Variants in HDAC4 observed in about 807,000 individuals in gnomAD.
The protein encoded by HDAC4 is histone deacetylase 4.
HDAC4 carries 16 observed loss-of-function variants against 135.1 expected under a neutral mutation model. The observed-to-expected ratio is 0.12, with a 90% CI of 0.08 to 0.18. HDAC4 has a LOEUF of 0.18. Ranked by LOEUF, HDAC4 falls within the 10% of genes least tolerant of loss-of-function variation. The pLI is 1.00. For missense variants in HDAC4, 1,143 were observed against 1,511.8 expected, an observed-to-expected ratio of 0.76 and a Z score of 4.05; for synonymous variants, 685 against 653.4, an observed-to-expected ratio of 1.05 and a Z score of -0.74.
At chr2:239,275,139 C>G (rs772777350) in intron 2 of HDAC4, among the ~76,000 whole-genome samples, 2 of 150,918 alleles carry the variant, frequency 1.3e-5, no homozygotes. Context: ...TGACGGGGAT[C>G]GGGGGAAGAA....
Position 239,299,670 on chromosome 2 carries a change from A to C in HDAC4, c.22+53008T>G, listed in dbSNP as rs538210187. Among the ~76,000 whole-genome samples the C allele has an allele frequency of 1.3e-5, 2 of 152,356 alleles. No homozygotes were observed. The highest frequency in any genetic ancestry group is 3.9e-4 in the East Asian group (2 of 5,180). On this transcript the variant is annotated intron_variant, in intron 2 of 26. Transcript: ENST00000543185. The surrounding 1 kb of genome is among the most constrained non-coding windows in gnomAD (Gnocchi z 4.0). ...GCCAATTCCTTGAGTGAGAAGCGTC[A>C]TGGGTAGAATCACGGAGCAAGGTCC...
intron 1 of HDAC4, among the ~76,000 whole-genome samples, chr2:239,387,822 G>C (rs1695928053): frequency 6.6e-6 from 1 of 152,110 alleles, no homozygotes; most frequent in African/African-American, 2.4e-5. Context: ...GCCCCTGGAG[G>C]AGCCGCGCCT....
Position 239,049,357 on chromosome 2 carries a change from C to T in HDAC4, c.*3740G>A, listed in dbSNP as rs911013603. The T allele has an allele frequency of 6.6e-6, 1 of 152,506 alleles. No homozygotes were observed. Among genetic ancestry groups the T allele is most frequent in the Non-Finnish European group, 1.5e-5 (1 of 68,034 alleles). 9.4% of individuals were successfully genotyped at this position (152,506 alleles called of 1,614,324 possible). ...GGAACAGAAAGGCATTTTTCTTCTT[C>T]CCCAAAGCTGCCGAGTTTGGCGTGC... is the stretch of plus-strand genomic sequence containing the variant. On this transcript the variant is annotated 3_prime_UTR_variant, in exon 27 of 27. Transcript: ENST00000543185.
chr2:239,240,639 C>T lies in HDAC4; in HGVS notation c.23-3975G>A, dbSNP rs1379110016. On this transcript the variant is annotated intron_variant, in intron 2 of 26. Transcript: ENST00000543185. The surrounding 1 kb of genome is among the most constrained non-coding windows in gnomAD (Gnocchi z 4.5). ...GGACAGGGACGATCGTACTGAGTGT[C>T]CTCAAACAGCATTTAATCAGCGCTG... 6.6e-6 allele frequency among the ~76,000 whole-genome samples: 1 copy of T among 152,178 alleles called. No homozygotes were observed. Among genetic ancestry groups the T allele is most frequent in the Non-Finnish European group, 1.5e-5 (1 of 68,028 alleles).
Position 239,240,329 on chromosome 2 carries a change from C to T in HDAC4, c.23-3665G>A, listed in dbSNP as rs145912094. On this transcript the variant is annotated intron_variant, in intron 2 of 26. Transcript: ENST00000543185. The surrounding 1 kb of genome is among the most constrained non-coding windows in gnomAD (Gnocchi z 4.5). Reference sequence around the variant, plus strand: ...GCCAGCTGGAACGCATGACGGCATCCGTGAATGTGCACAGAATAGATTCTT... The same window carrying T: ...GCCAGCTGGAACGCATGACGGCATCTGTGAATGTGCACAGAATAGATTCTT... Among the ~76,000 whole-genome samples the T allele has an allele frequency of 7.9e-5, 12 of 152,330 alleles. No individual in the cohort carries two copies. The East Asian group carries it at 1.9e-3, about 24-fold the overall frequency.
At chr2:239,083,768 G>A (rs2035585796) in intron 20 of HDAC4, among the ~76,000 whole-genome samples, 1 of 152,204 alleles carries the variant, frequency 6.6e-6, no homozygotes, top group Non-Finnish European at 1.5e-5. Flanking sequence ...CTTCACTGGG[G>A]TGACTGAGAA....
intron 2 of HDAC4, among the ~76,000 whole-genome samples, chr2:239,277,671 A>G (rs1419184805): frequency 6.6e-6 from 1 of 152,194 alleles, no homozygotes; most frequent in Non-Finnish European, 1.5e-5. Flanking sequence ...ACAGCCGCCC[A>G]GCCTGGTGTA....
At chr2:239,073,014 G>A (rs778352920) in intron 22 of HDAC4, among the ~76,000 whole-genome samples, 21 of 152,312 alleles carry the variant, frequency 1.4e-4, no homozygotes, top group Non-Finnish European at 2.4e-4. Flanking sequence ...CTGGTGCCCC[G>A]CGTCCCATGA....
rs750495310 is a variant in HDAC4 at position 239,115,062 on chromosome 2, G to T, written c.1782C>A (p.Leu594=). 2 of 1,610,596 alleles carry T rather than the reference G, an allele frequency of 1.2e-6. No homozygotes were observed. The highest frequency in any genetic ancestry group is 8.5e-7 in the Non-Finnish European group (1 of 1,179,872). Residue 594 remains leucine (L), a synonymous_variant, in exon 13 of 27, where the codon CTC becomes CTA. Coordinates refer to ENST00000543185, the MANE Select transcript of HDAC4 (RefSeq NM_001378414.1). The surrounding 1 kb of genome is among the most constrained non-coding windows in gnomAD (Gnocchi z 6.3). ...CCCCGCCTGCGGTCACCTGTCTGAA[G>T]AGCAGCTCCTGCTCACTGGGCTGGC... ...GQRQPSEQEL[L]FRQQALLLEQ... is the part of the protein sequence containing the mutation.
In HDAC4 at chr2:239,323,587, G is replaced by A. The variant is rs996173390; in HGVS notation, c.22+29091C>T. Among the ~76,000 whole-genome samples the A allele has an allele frequency of 3.3e-5, 5 of 152,178 alleles. No individual in the cohort carries two copies. In the East Asian group the frequency reaches 5.8e-4, roughly 18 times the overall value. On this transcript the variant is annotated intron_variant, in intron 2 of 26. Coordinates refer to ENST00000543185, the MANE Select transcript of HDAC4 (RefSeq NM_001378414.1). ...TGCAGTGCTAGGTGAGAGAGGAGGC[G>A]TCTGGGAGCTCAGGCCACGCCCTCC...
chr2:239,170,460 A>G (rs780182059), intron 5 of HDAC4, among the ~76,000 whole-genome samples: 1 of 152,238 alleles, frequency 6.6e-6, no homozygotes, highest in Non-Finnish European at 1.5e-5. Flanking sequence ...TAAAAGCAAA[A>G]TGCCAATTTC....
At chr2:239,235,900 G>A (rs755925171) in intron 3 of HDAC4, among the ~76,000 whole-genome samples, 1 of 152,164 alleles carries the variant, frequency 6.6e-6, no homozygotes, top group African/African-American at 2.4e-5. Context: ...TTAGCCAGGT[G>A]TGGTGGCACA....
chr2:239,263,844 G>A (rs1176118933), intron 2 of HDAC4, among the ~76,000 whole-genome samples: 2 of 152,174 alleles, frequency 1.3e-5, no homozygotes, highest in Non-Finnish European at 2.9e-5. Flanking sequence ...CTCGCCTCCT[G>A]CTGCTCGATC....
chr2:239,054,907 T>C (rs966935456), intron 24 of HDAC4, 74 bp from the exon 25 acceptor site: 32 of 1,000,866 alleles, frequency 3.2e-5, no homozygotes, highest in Non-Finnish European at 5.0e-5. Flanking sequence ...GTTCCGAGAC[T>C]GCAACTGTTT....
rs1052679490 is a variant in HDAC4 at position 239,400,188 on chromosome 2, C to T, written c.-220+790G>A. ...CCTGCGGGCTGAGCCGAGCGGGTCC[C>T]GGGCAGCCCCCCGCCCTCCCGCGAC... On this transcript the variant is annotated intron_variant, in intron 1 of 26. Transcript: ENST00000543185. The surrounding 1 kb of genome is among the most constrained non-coding windows in gnomAD (Gnocchi z 4.7). 1.3e-5 allele frequency among the ~76,000 whole-genome samples: 2 copies of T among 151,902 alleles called. No individual in the cohort carries two copies. Among genetic ancestry groups the T allele is most frequent in the South Asian group, 2.1e-4 (1 of 4,828 alleles).
intron 2 of HDAC4, chr2:239,298,712 C>T (rs1490388103): frequency 5.7e-5 from 39 of 679,190 alleles, no homozygotes; most frequent in Non-Finnish European, 6.7e-5. Flanking sequence ...ACTCCACCTA[C>T]AGGGGCTAGG....
rs367872145 is a variant in HDAC4 at position 239,257,898 on chromosome 2, A to G, written c.23-21234T>C. ...ATAGAAAAAGACCCTCAGGTGCTCC[A>G]GATAATAGAATTCTGAGAAAGAGAC... On this transcript the variant is annotated intron_variant, in intron 2 of 26. Transcript: ENST00000543185. Among the ~76,000 whole-genome samples the G allele has an allele frequency of 1.6e-3, 249 of 152,366 alleles. 1 individual carries two copies. The highest frequency in any genetic ancestry group is 5.7e-3 in the African/African-American group (238 of 41,594).
intron 22 of HDAC4, among the ~76,000 whole-genome samples, chr2:239,072,630 C>T (rs148807703): frequency 0.015 from 2,248 of 152,346 alleles, 28 homozygotes; most frequent in Non-Finnish European, 0.024. Context: ...GGCCCAGTGT[C>T]CCTTCCCACC....
chr2:239,317,771 A>C (rs866616542), intron 2 of HDAC4, among the ~76,000 whole-genome samples: 1 of 152,208 alleles, frequency 6.6e-6, no homozygotes, highest in Admixed American at 6.5e-5. Flanking sequence ...CGCAACTTTA[A>C]GCCAACGACA....
Sources: gnomAD v4.1 joint callset for allele counts (sites outside exome capture counted in the v4.1 genomes callset) on GRCh38, gnomAD v4.1.1 for gene constraint, Gnocchi (gnomAD v3.1) non-coding constraint, MANE v1.5 for transcripts, NCBI Gene and HGNC (gene_info 2026-07-23, HGNC 2026-07-21) for gene names.